Variants in TOMM34 observed in about 807,000 individuals in gnomAD.
TOMM34 encodes translocase of outer mitochondrial membrane 34.
A neutral mutation model predicts 37.4 loss-of-function variants in TOMM34; 24 were observed. The ratio of observed to expected loss-of-function variants is 0.64; its 90% CI spans 0.46 to 0.90. The LOEUF (loss-of-function observed/expected upper bound fraction) is 0.90, where lower values mean the gene tolerates loss of function less well. Among genes scored for constraint, TOMM34 ranks in the 40% least tolerant of loss-of-function variants. TOMM34 has a pLI of 0.00. For missense variants in TOMM34, 304 were observed against 375.6 expected (o/e 0.81, Z 1.58); for synonymous variants, 154 against 148.9 (o/e 1.03, Z -0.25).
intron 3 of TOMM34, among the ~76,000 whole-genome samples, chr20:44,952,986 G>A (rs535441175): frequency 6.6e-6 from 1 of 152,102 alleles, no homozygotes; most frequent in Admixed American, 6.5e-5. Flanking sequence ...CTGCCTGGGT[G>A]CCCAATCCTT....
intron 3 of TOMM34, among the ~76,000 whole-genome samples, chr20:44,954,280 A>G (rs2067051127): frequency 6.6e-6 from 1 of 152,138 alleles, no homozygotes; most frequent in Non-Finnish European, 1.5e-5. Context: ...CTTCCTTGAG[A>G]CCGGGACCTC....
chr20:44,960,120 G>C, intron 1 of TOMM34, 87 bp downstream of exon 1: 1 of 1,475,798 alleles, frequency 6.8e-7, no homozygotes, highest in African/African-American at 1.5e-5. Context: ...GGCCGGGCAG[G>C]ACTGCTGGCC....
At chr20:44,945,518 AG>A (rs1383582596) in intron 5 of TOMM34, among the ~76,000 whole-genome samples, 1 of 152,212 alleles carries the variant, frequency 6.6e-6, no homozygotes, top group East Asian at 1.9e-4. Flanking sequence ...TTGAACTGAC[AG>A]GGAAGAAGCC....
At position 44,942,948 on chromosome 20, in the gene TOMM34, C is replaced by G. The variant is rs2066947703; in HGVS notation, c.*161G>C. On this transcript the variant is annotated 3_prime_UTR_variant, in exon 7 of 7. Coordinates refer to ENST00000372813, the MANE Select transcript of TOMM34 (RefSeq NM_006809.5). ...TTGACTACACTGAGTTTAATTTGAA[C>G]AAGCAAAGCCTCTTACAGGGTGGGA... The G allele has an allele frequency of 2.0e-5, 13 of 649,444 alleles. No individual in the cohort carries two copies. In the South Asian group the frequency reaches 2.5e-4, roughly 12 times the overall value. The allele number at this position is 649,444 out of a possible 1,614,324, so 40.2% of individuals were successfully genotyped here. A position where few individuals can be genotyped will look rare whatever the true frequency, so the allele number is the denominator to read the frequency against.
At chr20:44,948,004 A>C (rs2066995150) in intron 5 of TOMM34, among the ~76,000 whole-genome samples, 1 of 152,240 alleles carries the variant, frequency 6.6e-6, no homozygotes, top group African/African-American at 2.4e-5. Context: ...TAAAAGTAAC[A>C]GGAAGATCTT....
At chr20:44,945,656 G>A (rs544631394) in intron 5 of TOMM34, among the ~76,000 whole-genome samples, 93 of 152,354 alleles carry the variant, frequency 6.1e-4, no homozygotes, top group Admixed American at 2.3e-3. Flanking sequence ...GAGTCAGGCA[G>A]CCCAGCTGCC....
chr20:44,947,843 T>C (rs2066993768), intron 5 of TOMM34, among the ~76,000 whole-genome samples: 1 of 152,232 alleles, frequency 6.6e-6, no homozygotes, highest in Admixed American at 6.5e-5. Flanking sequence ...AGGAACAATG[T>C]GTCTATATTA....
chr20:44,955,357 G>C (rs564918247), intron 2 of TOMM34, 137 bp from the exon 3 acceptor site: 8 of 1,072,308 alleles, frequency 7.5e-6, no homozygotes, highest in Non-Finnish European at 1.4e-6. Context: ...GGCTAAAAAC[G>C]CCAAACCTCA....
intron 5 of TOMM34, among the ~76,000 whole-genome samples, chr20:44,943,974 GA>G (rs144804213): frequency 0.027 from 4,024 of 150,522 alleles, 179 homozygotes; most frequent in African/African-American, 0.088. Context: ...CTTTAAGGGG[GA>G]AAAAAAAACC....
At chr20:44,956,536 G>A (rs2067074938) in intron 1 of TOMM34, 51 bp from the exon 2 acceptor site, 1 of 1,569,660 alleles carries the variant, frequency 6.4e-7, no homozygotes, top group East Asian at 2.2e-5. Context: ...GGGTGCCTCA[G>A]GGCATTAGGA....
chr20:44,943,556 T>C lies in TOMM34; in HGVS notation c.722A>G (p.Lys241Arg). ...GTCCTTCACTGCTTCTGTGTACTGCTTCAGGACCAAATAGCAGAGTGCTCT... is the reference window on the plus strand; with the variant it reads ...GTCCTTCACTGCTTCTGTGTACTGCCTCAGGACCAAATAGCAGAGTGCTCT... Reference protein sequence around the residue: ...SNRALCYLVLKQYTEAVKDCT... With the variant: ...SNRALCYLVLRQYTEAVKDCT... Residue 241 changes from lysine to arginine, a missense_variant, in exon 6 of 7, where the codon AAG (lysine) becomes AGG (arginine). Coordinates refer to ENST00000372813, the MANE Select transcript of TOMM34 (RefSeq NM_006809.5). The C allele has an allele frequency of 6.2e-7, 1 of 1,614,214 alleles. No individual in the cohort carries two copies. Among genetic ancestry groups the C allele is most frequent in the Non-Finnish European group, 8.5e-7 (1 of 1,180,040 alleles).
In TOMM34 at chr20:44,943,037, G is replaced by T; in HGVS notation, c.*72C>A. The T allele has an allele frequency of 1.4e-6, 2 of 1,462,938 alleles. No individual in the cohort carries two copies. The highest frequency in any genetic ancestry group is 1.1e-5 in the South Asian group (1 of 87,172). 90.6% of individuals were successfully genotyped at this position (1,462,938 alleles called of 1,614,324 possible). A position where few individuals can be genotyped will look rare whatever the true frequency, so the allele number is the denominator to read the frequency against. On this transcript the variant is annotated 3_prime_UTR_variant, in exon 7 of 7. Transcript: ENST00000372813. ...TTGGGGCATGCTGGGTTTCAGGAGC[G>T]GGCACAGAGCAGGTGGCCCATGGCT...
At chr20:44,948,960 CCAAACTGACTA>C (rs1212654752) in intron 4 of TOMM34, 83 bp from the exon 5 acceptor site, 5 of 1,504,748 alleles carry the variant, frequency 3.3e-6, no homozygotes, top group East Asian at 4.7e-5. Flanking sequence ...ATCGTCCCTT[CCAAACTGACTA>C]CAATCCTCTC....
intron 1 of TOMM34, among the ~76,000 whole-genome samples, 187 bp from the exon 2 acceptor site, chr20:44,956,672 G>T (rs374528262): frequency 6.6e-6 from 1 of 152,170 alleles, no homozygotes; most frequent in East Asian, 1.9e-4. Flanking sequence ...AGGACACTGC[G>T]CTTTTTGCCA....
intron 1 of TOMM34, chr20:44,958,222 T>C (rs537095345): frequency 2.5e-6 from 1 of 397,356 alleles, no homozygotes; most frequent in Non-Finnish European, 5.2e-6. Flanking sequence ...GGCATCATAT[T>C]GCCTATCCTT....
At chr20:44,945,116 G>A (rs1195500863) in intron 5 of TOMM34, among the ~76,000 whole-genome samples, 1 of 152,082 alleles carries the variant, frequency 6.6e-6, no homozygotes, top group Non-Finnish European at 1.5e-5. Flanking sequence ...ACTCTAACCT[G>A]GCCAACCCAA....
chr20:44,944,033 G>A (rs759912163), intron 5 of TOMM34, among the ~76,000 whole-genome samples: 1 of 152,146 alleles, frequency 6.6e-6, no homozygotes, highest in Non-Finnish European at 1.5e-5. Context: ...GGGGTGAAAT[G>A]TAAAGACGTT....
rs181102665 is a variant in TOMM34, at chr20:44,943,033, G to C, written c.*76C>G. Reference sequence around the variant, plus strand: ...TCACTTGGGGCATGCTGGGTTTCAGGAGCGGGCACAGAGCAGGTGGCCCAT... The same window carrying C: ...TCACTTGGGGCATGCTGGGTTTCAGCAGCGGGCACAGAGCAGGTGGCCCAT... On this transcript the variant is annotated 3_prime_UTR_variant, in exon 7 of 7. Transcript: ENST00000372813. 1.2e-4 allele frequency: 171 copies of C among 1,437,986 alleles called. No individual in the cohort carries two copies. Among genetic ancestry groups the C allele is most frequent in the Non-Finnish European group, 1.6e-4 (163 of 1,024,146 alleles). The allele number at this position is 1,437,986 out of a possible 1,614,324, so 89.1% of individuals were successfully genotyped here.
chr20:44,954,378 G>T (rs1411505595), intron 3 of TOMM34, among the ~76,000 whole-genome samples: 1 of 152,216 alleles, frequency 6.6e-6, no homozygotes, highest in Non-Finnish European at 1.5e-5. Flanking sequence ...TGTGGAATCA[G>T]ATAAGTTAAA....
Sources: allele counts gnomAD v4.1 joint callset (sites outside exome capture counted in the v4.1 genomes callset), GRCh38; gene constraint gnomAD v4.1.1; transcripts MANE v1.5; gene names NCBI Gene and HGNC (gene_info 2026-07-23, HGNC 2026-07-21).